The following C1orf159 variants were observed in gnomAD, a reference collection of about 807,000 sequenced individuals.
C1orf159 encodes the protein uncharacterized protein C1orf159.
C1orf159 carries 19 observed loss-of-function variants against 25.6 expected under a neutral mutation model. The observed-to-expected ratio is 0.74, with a 90% CI of 0.52 to 1.09. C1orf159 has a LOEUF of 1.09. Among genes scored for constraint, C1orf159 ranks in the 50% least tolerant of loss-of-function variants. The pLI, the probability that C1orf159 is intolerant of heterozygous loss-of-function variation, is 0.00. For synonymous variants in C1orf159, 139 were observed against 124.7 expected (o/e 1.12, Z -0.77); for missense variants, 274 against 290.6 (o/e 0.94, Z 0.42).
intron 4 of C1orf159, 89 bp downstream of exon 4, chr1:1,090,264 G>T: frequency 7.6e-7 from 1 of 1,323,170 alleles, no homozygotes; most frequent in Non-Finnish European, 1.1e-6. Flanking sequence ...GATGAGCACT[G>T]TCCTTGTCAC....
chr1:1,100,243 AATT>A (rs1165382996), intron 1 of C1orf159, among the ~76,000 whole-genome samples: 1 of 152,116 alleles, frequency 6.6e-6, no homozygotes, highest in East Asian at 1.9e-4. Context: ...TATTTAATAT[AATT>A]ATCATTATGG....
At chr1:1,084,917 C>T (rs936958408) in intron 7 of C1orf159, among the ~76,000 whole-genome samples, 17 of 152,280 alleles carry the variant, frequency 1.1e-4, no homozygotes, top group African/African-American at 3.8e-4. Context: ...GCCCCACGGC[C>T]GTGGGCTTCT....
intron 1 of C1orf159, among the ~76,000 whole-genome samples, chr1:1,095,348 A>G (rs1020226810): frequency 7.9e-5 from 12 of 152,218 alleles, no homozygotes; most frequent in African/African-American, 2.2e-4. Flanking sequence ...ATCTTCTTCA[A>G]TTTATCTCAG....
At chr1:1,084,237 C>T (rs1471129339) in intron 9 of C1orf159, 116 bp downstream of exon 9, 18 of 1,520,072 alleles carry the variant, frequency 1.2e-5, no homozygotes, top group Non-Finnish European at 1.4e-5. Flanking sequence ...GGGACCCGGG[C>T]AGGGGTGGCC....
Position 1,110,550 on chromosome 1 carries a change from T to C in C1orf159, c.-136+5510A>G, listed in dbSNP as rs1365177258. Among the ~76,000 whole-genome samples the C allele has an allele frequency of 1.3e-5, 2 of 151,048 alleles. No individual in the cohort carries two copies. Among genetic ancestry groups the C allele is most frequent in the Non-Finnish European group, 2.9e-5 (2 of 67,978 alleles). On this transcript the variant is annotated intron_variant, in intron 1 of 9. Coordinates refer to ENST00000421241, the MANE Select transcript of C1orf159 (RefSeq NM_017891.5). This position sits in a 1 kb window ranked among gnomAD's most constrained non-coding sequence, Gnocchi z 4.8. ...ATGAGTGGACAGTGCTCAACACGGG[T>C]GAGCGTCAGGGAAATGCAAACTAAA...
chr1:1,109,032 C>T (rs1208823941), intron 1 of C1orf159, among the ~76,000 whole-genome samples: 2 of 124,452 alleles, frequency 1.6e-5, no homozygotes, highest in Non-Finnish European at 3.3e-5. Flanking sequence ...CACCATGTCT[C>T]GGCAGCACCG....
intron 3 of C1orf159, 173 bp from the exon 4 acceptor site, chr1:1,090,601 G>A (rs1043517123): frequency 5.5e-6 from 4 of 732,022 alleles, no homozygotes; most frequent in Admixed American, 4.5e-5. Context: ...GGAGCAAGGA[G>A]GGGCCTCACA....
intron 1 of C1orf159, among the ~76,000 whole-genome samples, chr1:1,103,602 G>A: frequency 6.9e-6 from 1 of 145,720 alleles, no homozygotes; most frequent in Middle Eastern, 3.2e-3. Flanking sequence ...GAAACGAGCG[G>A]CATCTATACA....
intron 1 of C1orf159, among the ~76,000 whole-genome samples, chr1:1,102,830 GT>G (rs1010090454): frequency 6.7e-6 from 1 of 148,434 alleles, no homozygotes; most frequent in Admixed American, 6.8e-5. Flanking sequence ...TTCAGATCTT[GT>G]TTTTTTTTGA....
At chr1:1,090,070 C>G (rs1365492190) in intron 4 of C1orf159, among the ~76,000 whole-genome samples, 3 of 152,202 alleles carry the variant, frequency 2.0e-5, no homozygotes, top group Non-Finnish European at 2.9e-5. Flanking sequence ...ATGGGCCACT[C>G]CCCCAGACCC....
At chr1:1,103,494 T>C (rs1024643666) in intron 1 of C1orf159, among the ~76,000 whole-genome samples, 11 of 152,208 alleles carry the variant, frequency 7.2e-5, no homozygotes, top group Non-Finnish European at 1.6e-4. Context: ...GCAATTAATT[T>C]CATTAGATTC....
At position 1,085,890 on chromosome 1, in the gene C1orf159, T is replaced by C; in HGVS notation, c.433A>G (p.Arg145Gly). 2 of 1,613,256 alleles carry C rather than the reference T, an allele frequency of 1.2e-6. No individual in the cohort carries two copies. Among genetic ancestry groups the C allele is most frequent in the Non-Finnish European group, 8.5e-7 (1 of 1,179,796 alleles). ...GTCCGGGAGATACCTTTGTTTCTTC[T>C]GTAGCAGGCCCTGGGGAGTTTACTG... ...RSSKLPRACYRRNKAPALQPG... is the reference protein window; with the variant it reads ...RSSKLPRACYGRNKAPALQPG... Residue 145 changes from arginine to glycine, a missense_variant, in exon 7 of 10, where the codon AGA becomes GGA. Transcript: ENST00000421241.
rs1392818158 is a variant in C1orf159 at position 1,091,458 on chromosome 1, A to AG, written c.72+13dup. On this transcript the variant is annotated intron_variant, in intron 3 of 9. Transcript: ENST00000421241. ...CTGGCTTAGGCCGCGTGGACACGTGAGGGGGGCACCTACCGTGTTCTCCAT... is the reference window on the plus strand; with the variant it reads ...CTGGCTTAGGCCGCGTGGACACGTGAGGGGGGGCACCTACCGTGTTCTCCAT... The AG allele has an allele frequency of 1.9e-6, 3 of 1,549,550 alleles. No individual in the cohort carries two copies. Among genetic ancestry groups the AG allele is most frequent in the African/African-American group, 1.4e-5 (1 of 73,130 alleles).
At chr1:1,090,536 G>T in intron 3 of C1orf159, 108 bp from the exon 4 acceptor site, 2 of 1,168,698 alleles carry the variant, frequency 1.7e-6, no homozygotes, top group Non-Finnish European at 1.2e-6. Flanking sequence ...AATGTCCGCA[G>T]CTCCGGCCTC....
At chr1:1,097,584 A>AC (rs1553123613) in intron 1 of C1orf159, among the ~76,000 whole-genome samples, 4 of 126,524 alleles carry the variant, frequency 3.2e-5, no homozygotes, top group African/African-American at 9.6e-5. Flanking sequence ...AGCTCATTAA[A>AC]TTTTTTTTTT....
chr1:1,084,617 T>C, intron 7 of C1orf159, 111 bp from the exon 8 acceptor site: 1 of 1,397,558 alleles, frequency 7.2e-7, no homozygotes, highest in Non-Finnish European at 9.7e-7. Flanking sequence ...CTCAGCCCAG[T>C]GCGGCGTCCT....
chr1:1,092,332 G>C, intron 1 of C1orf159: 1 of 199,348 alleles, frequency 5.0e-6, no homozygotes, highest in South Asian at 6.6e-5. Flanking sequence ...CCCTCGCTGG[G>C]ATACGGGCCC....
Position 1,087,053 on chromosome 1 carries a change from C to G in C1orf159, c.310+86G>C. The G allele has an allele frequency of 7.5e-7, 1 of 1,340,584 alleles. No individual in the cohort carries two copies. The highest frequency in any genetic ancestry group is 1.2e-5 in the South Asian group (1 of 80,726). 83.0% of individuals were successfully genotyped at this position (1,340,584 alleles called of 1,614,324 possible). ...CAGAACCCTGAGCCTGCTGTGGCTGCGTCAAGGGTGAGGGTCTGCACTGGC... is the reference window on the plus strand; with the variant it reads ...CAGAACCCTGAGCCTGCTGTGGCTGGGTCAAGGGTGAGGGTCTGCACTGGC... On this transcript the variant is annotated intron_variant, in intron 6 of 9. Transcript: ENST00000421241. This position sits in a 1 kb window ranked among gnomAD's most constrained non-coding sequence, Gnocchi z 8.3.
At chr1:1,106,309 C>T (rs1291269132) in intron 1 of C1orf159, among the ~76,000 whole-genome samples, 1 of 152,076 alleles carries the variant, frequency 6.6e-6, no homozygotes, top group African/African-American at 2.4e-5. Flanking sequence ...AAATCAAAAT[C>T]AAAATGAAAT....
Sources: allele counts gnomAD v4.1 joint callset (sites outside exome capture counted in the v4.1 genomes callset), GRCh38; gene constraint gnomAD v4.1.1; non-coding constraint Gnocchi (gnomAD v3.1); transcripts MANE v1.5; gene names NCBI Gene and HGNC (gene_info 2026-07-23, HGNC 2026-07-21).